ANPEP: variants seen among roughly 807,000 people sequenced by gnomAD.
ANPEP encodes the protein alanyl aminopeptidase, membrane.
In ANPEP, 70 loss-of-function variants were observed where a neutral mutation model predicts 114.6. That is an observed-to-expected ratio of 0.61 (90% CI 0.50 to 0.75). The LOEUF (loss-of-function observed/expected upper bound fraction) is 0.75, where lower values mean the gene tolerates loss of function less well. Ranked by LOEUF, ANPEP falls within the 30% of genes least tolerant of loss-of-function variation. The probability of loss-of-function intolerance (pLI) is 0.00; values close to 1 mark genes in which losing one functional copy is unlikely to be tolerated. For synonymous variants in ANPEP, 548 were observed against 522.3 expected (o/e 1.05, Z -0.67); for missense variants, 1,184 against 1,259.5 (o/e 0.94, Z 0.91).
At chr15:89,789,921 C>T (rs987388590) in intron 20 of ANPEP, among the ~76,000 whole-genome samples, 2 of 150,930 alleles carry the variant, frequency 1.3e-5, no homozygotes, top group Non-Finnish European at 2.9e-5. Flanking sequence ...TAGCCAGGCG[C>T]GGTGGCGGGC....
Position 89,803,318 on chromosome 15 carries a change from G to T in ANPEP, c.1504-14C>A. ...GTGGAGGTAGGACTGTGGAAAGACGGGGCACAGTGAGAGCACAGCTGGAGC... is the reference window on the plus strand; with the variant it reads ...GTGGAGGTAGGACTGTGGAAAGACGTGGCACAGTGAGAGCACAGCTGGAGC... On this transcript the variant is annotated splice_polypyrimidine_tract_variant and intron_variant, in intron 9 of 20. Coordinates refer to ENST00000300060, the MANE Select transcript of ANPEP (RefSeq NM_001150.3). This position sits in a 1 kb window ranked among gnomAD's most constrained non-coding sequence, Gnocchi z 4.2. 4 of 1,614,028 alleles carry T rather than the reference G, an allele frequency of 2.5e-6. No individual in the cohort carries two copies. Among genetic ancestry groups the T allele is most frequent in the Non-Finnish European group, 3.4e-6 (4 of 1,179,886 alleles).
Position 89,799,516 on chromosome 15 carries a change from C to T in ANPEP, c.1863G>A (p.Leu621=). The change falls in exon 13 of 21, where the codon CTG becomes CTA. Residue 621 remains leucine (L), a synonymous_variant. Transcript: ENST00000300060. The surrounding 1 kb of genome is among the most constrained non-coding windows in gnomAD (Gnocchi z 4.2). ...LFSTSGNEWV[L]LNLNVTGYYR... Reference sequence around the variant, plus strand: ...AATAGCCCGTCACATTGAGGTTCAGCAGGACCCACTCATTGCCTGATGTGC... The same window carrying T: ...AATAGCCCGTCACATTGAGGTTCAGTAGGACCCACTCATTGCCTGATGTGC... The T allele has an allele frequency of 6.2e-7, 1 of 1,614,190 alleles. No individual in the cohort carries two copies.
At chr15:89,813,366 G>A (rs1894849041) in intron 1 of ANPEP, among the ~76,000 whole-genome samples, 1 of 152,200 alleles carries the variant, frequency 6.6e-6, no homozygotes, top group Non-Finnish European at 1.5e-5. Context: ...GGGGTGTAAG[G>A]AGCGCCAGCG....
At chr15:89,812,209 CCCGACCA>C (rs1894827937) in intron 1 of ANPEP, among the ~76,000 whole-genome samples, 1 of 152,240 alleles carries the variant, frequency 6.6e-6, no homozygotes, top group South Asian at 2.1e-4. Flanking sequence ...ATGCTCCATC[CCCGACCA>C]CTGGGTCCTT....
intron 20 of ANPEP, among the ~76,000 whole-genome samples, chr15:89,788,087 A>G (rs1968539283): frequency 6.6e-6 from 1 of 152,264 alleles, no homozygotes; most frequent in Admixed American, 6.5e-5. Context: ...GTTTCTCAAA[A>G]AGTTAAACAC....
In ANPEP at chr15:89,803,311, A is replaced by G; in HGVS notation, c.1504-7T>C. ...CAAAGGTGTGGAGGTAGGACTGTGG[A>G]AAGACGGGGCACAGTGAGAGCACAG... On this transcript the variant is annotated splice_polypyrimidine_tract_variant and splice_region_variant and intron_variant, in intron 9 of 20. Transcript: ENST00000300060. The surrounding 1 kb of genome is among the most constrained non-coding windows in gnomAD (Gnocchi z 4.2). 1 of 1,614,050 alleles carries G rather than the reference A, an allele frequency of 6.2e-7. No individual in the cohort carries two copies. The highest frequency in any genetic ancestry group is 8.5e-7 in the Non-Finnish European group (1 of 1,179,934).
At chr15:89,794,534 A>G (rs1157808147) in intron 15 of ANPEP, among the ~76,000 whole-genome samples, 2 of 152,096 alleles carry the variant, frequency 1.3e-5, no homozygotes, top group African/African-American at 2.4e-5. Flanking sequence ...GGGACAAGTC[A>G]GCAAGGGACA....
intron 20 of ANPEP, among the ~76,000 whole-genome samples, chr15:89,786,744 A>G (rs1968514383): frequency 6.6e-6 from 1 of 152,066 alleles, no homozygotes; most frequent in African/African-American, 2.4e-5. Context: ...TTTAAAACTC[A>G]CTACAAAACT....
In ANPEP at chr15:89,799,152, C is replaced by G; in HGVS notation, c.2009+108G>C. ...GGGAGCACAGGAGCTCAGGGCACAG[C>G]ACGTGGCATATGGGAAGGGCAGCAG... On this transcript the variant is annotated intron_variant, in intron 14 of 20. Transcript: ENST00000300060. This position sits in a 1 kb window ranked among gnomAD's most constrained non-coding sequence, Gnocchi z 4.2. 1 of 1,287,014 alleles carries G rather than the reference C, an allele frequency of 7.8e-7. No individual in the cohort carries two copies. Among genetic ancestry groups the G allele is most frequent in the Non-Finnish European group, 1.1e-6 (1 of 896,402 alleles). The allele number at this position is 1,287,014 out of a possible 1,614,324, so 79.7% of individuals were successfully genotyped here. A position where few individuals can be genotyped will look rare whatever the true frequency, so the allele number is the denominator to read the frequency against.
rs984229584 is a variant in ANPEP, at chr15:89,806,366, C to T, written c.218G>A (p.Arg73His). 30 of 1,613,934 alleles carry T rather than the reference C, an allele frequency of 1.9e-5. No homozygotes were observed. The highest frequency in any genetic ancestry group is 1.6e-4 in the Middle Eastern group (1 of 6,084). Residue 73 changes from arginine (R) to histidine (H), a missense_variant, in exon 2 of 21, where the codon CGT becomes CAT. Arg to His is a conservative substitution (Grantham distance 29). Transcript: ENST00000300060. The surrounding 1 kb of genome is among the most constrained non-coding windows in gnomAD (Gnocchi z 5.7). ...TTLDQSKAWN[R>H]YRLPNTLKPD... Reference sequence around the variant, plus strand: ...TTTCAGCGTGTTGGGGAGGCGGTAACGATTCCACGCTTTACTTTGGTCCAA... The same window carrying T: ...TTTCAGCGTGTTGGGGAGGCGGTAATGATTCCACGCTTTACTTTGGTCCAA...
intron 6 of ANPEP, 24 bp downstream of exon 6, chr15:89,804,229 G>A (rs772990175): frequency 9.3e-6 from 15 of 1,613,372 alleles, no homozygotes; most frequent in East Asian, 6.7e-5. Flanking sequence ...TTCCTTCTCC[G>A]CACTCCCCGA....
chr15:89,805,536 C>T, intron 2 of ANPEP, 73 bp from the exon 3 acceptor site: 1 of 1,576,546 alleles, frequency 6.3e-7, no homozygotes, highest in Non-Finnish European at 8.6e-7. Context: ...TGCTACCAGG[C>T]ATGCAGGGAA....
At chr15:89,810,381 A>AAAATAAAT (rs71464490) in intron 1 of ANPEP, among the ~76,000 whole-genome samples, 2 of 148,340 alleles carry the variant, frequency 1.3e-5, no homozygotes, top group South Asian at 2.2e-4. Flanking sequence ...TCTGTCTCAA[A>AAAATAAAT]AAATAAATAA....
rs370922996 is a variant in ANPEP at position 89,792,582 on chromosome 15, C to A, written c.2250-20G>T. On this transcript the variant is annotated intron_variant, in intron 16 of 20. Coordinates refer to ENST00000300060, the MANE Select transcript of ANPEP (RefSeq NM_001150.3). Reference sequence around the variant, plus strand: ...CTGTACCTGCCCCAGGGGTGACACGCGGTTAGCACACCTGGCGAACTCCAG... The same window carrying A: ...CTGTACCTGCCCCAGGGGTGACACGAGGTTAGCACACCTGGCGAACTCCAG... 2 of 1,605,010 alleles carry A rather than the reference C, an allele frequency of 1.2e-6. No individual in the cohort carries two copies. Among genetic ancestry groups the A allele is most frequent in the African/African-American group, 2.7e-5 (2 of 74,634 alleles).
At position 89,805,308 on chromosome 15, in the gene ANPEP, A is replaced by G; in HGVS notation, c.757+13T>C. The G allele has an allele frequency of 6.2e-7, 1 of 1,613,374 alleles. No individual in the cohort carries two copies. The highest frequency in any genetic ancestry group is 8.5e-7 in the Non-Finnish European group (1 of 1,179,450). On this transcript the variant is annotated intron_variant, in intron 3 of 20. Coordinates refer to ENST00000300060, the MANE Select transcript of ANPEP (RefSeq NM_001150.3). ...GCCCCCTGGCCCTGTGGCCGCAGGC[A>G]GGGCCCACTCACCTTTGGGAAGCAT...
At position 89,803,161 on chromosome 15, in the gene ANPEP, C is replaced by G. The variant is rs368401756; in HGVS notation, c.1569+78G>C. On this transcript the variant is annotated intron_variant, in intron 10 of 20. Coordinates refer to ENST00000300060, the MANE Select transcript of ANPEP (RefSeq NM_001150.3). The surrounding 1 kb of genome is among the most constrained non-coding windows in gnomAD (Gnocchi z 4.2). ...CCGCGGAGCTGGACCCATTCTCTTA[C>G]GCATGTGCTGCCCCCAGGTACCTTC... 3 of 1,494,406 alleles carry G rather than the reference C, an allele frequency of 2.0e-6. No individual in the cohort carries two copies. The highest frequency in any genetic ancestry group is 2.3e-5 in the East Asian group (1 of 44,298). 92.6% of individuals were successfully genotyped at this position (1,494,406 alleles called of 1,614,324 possible).
At position 89,801,394 on chromosome 15, in the gene ANPEP, C is replaced by T. The variant is rs200627957; in HGVS notation, c.1742+41G>A. 597 of 1,608,334 alleles carry T rather than the reference C, an allele frequency of 3.7e-4. 2 individuals are homozygous for T. The Middle Eastern group carries it at 0.01, about 27-fold the overall frequency. ...TGGTCCCTTAGTAACTGCCCTCTAC[C>T]CCACCCACCTGACCATGCCTCAGTG... On this transcript the variant is annotated intron_variant, in intron 11 of 20. Transcript: ENST00000300060.
At position 89,799,144 on chromosome 15, in the gene ANPEP, G is replaced by A; in HGVS notation, c.2009+116C>T. On this transcript the variant is annotated intron_variant, in intron 14 of 20. Coordinates refer to ENST00000300060, the MANE Select transcript of ANPEP (RefSeq NM_001150.3). This position sits in a 1 kb window ranked among gnomAD's most constrained non-coding sequence, Gnocchi z 4.2. ...GACGTCCAGGGAGCACAGGAGCTCA[G>A]GGCACAGCACGTGGCATATGGGAAG... 3 of 1,208,800 alleles carry A rather than the reference G, an allele frequency of 2.5e-6. No homozygotes were observed. Among genetic ancestry groups the A allele is most frequent in the Admixed American group, 1.9e-5 (1 of 53,688 alleles). 74.9% of individuals were successfully genotyped at this position (1,208,800 alleles called of 1,614,324 possible).
chr15:89,813,569 CA>C (rs1025682514), intron 1 of ANPEP, among the ~76,000 whole-genome samples: 7 of 152,142 alleles, frequency 4.6e-5, no homozygotes, highest in Non-Finnish European at 7.4e-5. Flanking sequence ...ATGAGGGCCT[CA>C]TGGGCCCAGC....
Sources: gnomAD v4.1 joint callset for allele counts (sites outside exome capture counted in the v4.1 genomes callset) on GRCh38, gnomAD v4.1.1 for gene constraint, Gnocchi (gnomAD v3.1) non-coding constraint, MANE v1.5 for transcripts, NCBI Gene and HGNC (gene_info 2026-07-23, HGNC 2026-07-21) for gene names.